The following GRM7 variants were observed in gnomAD, a reference collection of about 807,000 sequenced individuals.
GRM7 encodes the protein glutamate metabotropic receptor 7, also known as metabotropic glutamate receptor 7.
Under a neutral mutation model 84.5 loss-of-function variants are expected in GRM7, and 35 were observed. The observed-to-expected ratio is 0.41, with a 90% CI of 0.32 to 0.55. The LOEUF is 0.55. GRM7 is among the 20% of genes least tolerant of loss of function. The pLI, the probability that GRM7 is intolerant of heterozygous loss-of-function variation, is 0.19. For missense variants in GRM7, 1,003 were observed against 1,194.6 expected (o/e 0.84, Z 2.36); for synonymous variants, 487 against 455.1 (o/e 1.07, Z -0.89).
At chr3:7,092,301 C>G (rs1432589369) in intron 1 of GRM7, among the ~76,000 whole-genome samples, 1 of 152,128 alleles carries the variant, frequency 6.6e-6, no homozygotes, top group African/African-American at 2.4e-5. Context: ...GAGATAGTTC[C>G]TTATTTGATC....
chr3:7,416,771 A>G (rs1176912715), intron 5 of GRM7, among the ~76,000 whole-genome samples: 4 of 152,118 alleles, frequency 2.6e-5, no homozygotes, highest in African/African-American at 9.7e-5. Flanking sequence ...GGGAAAAGGG[A>G]AAATATTAAT....
intron 3 of GRM7, among the ~76,000 whole-genome samples, chr3:7,304,403 A>G (rs1449316080): frequency 1.4e-5 from 2 of 143,080 alleles, no homozygotes; most frequent in Non-Finnish European, 3.0e-5. Context: ...CTTTTAGAAC[A>G]TTCTCATTAT....
intron 4 of GRM7, among the ~76,000 whole-genome samples, chr3:7,315,930 G>A (rs924896791): frequency 6.6e-6 from 1 of 152,102 alleles, no homozygotes; most frequent in African/African-American, 2.4e-5. Flanking sequence ...GTGCTATAAA[G>A]TAAGAAAAAA....
chr3:7,042,738 C>A (rs1696673325), intron 1 of GRM7, among the ~76,000 whole-genome samples: 1 of 152,076 alleles, frequency 6.6e-6, no homozygotes, highest in Non-Finnish European at 1.5e-5. Flanking sequence ...GCTCCTTGAT[C>A]ACATGGAATA....
chr3:7,016,346 G>C (rs890329173), intron 1 of GRM7, among the ~76,000 whole-genome samples: 1 of 152,170 alleles, frequency 6.6e-6, no homozygotes, highest in Non-Finnish European at 1.5e-5. Flanking sequence ...CACTCAAAGA[G>C]ATAGGAGATC....
intron 1 of GRM7, among the ~76,000 whole-genome samples, chr3:7,112,283 G>A (rs1266092228): frequency 6.6e-6 from 1 of 150,720 alleles, no homozygotes; most frequent in East Asian, 2.0e-4. Flanking sequence ...GGAGTGCAGT[G>A]GCACGATCTC....
intron 8 of GRM7, among the ~76,000 whole-genome samples, chr3:7,601,381 A>G (rs1283498418): frequency 1.3e-5 from 2 of 152,238 alleles, no homozygotes; most frequent in East Asian, 3.9e-4. Flanking sequence ...ACCATAAGTG[A>G]GAGAGACAGG....
At chr3:6,873,360 A>G (rs1574952146) in intron 1 of GRM7, among the ~76,000 whole-genome samples, 3 of 152,178 alleles carry the variant, frequency 2.0e-5, no homozygotes, top group Admixed American at 2.0e-4. Context: ...GGCGTGAGCC[A>G]CCTTGGCCAG....
intron 2 of GRM7, among the ~76,000 whole-genome samples, chr3:7,253,600 A>T (rs1487454831): frequency 1.4e-5 from 2 of 142,884 alleles, no homozygotes; most frequent in African/African-American, 2.7e-5. Context: ...CCAGGCAACA[A>T]GAGTGAAACT....
At chr3:7,463,037 G>C (rs1180505333) in intron 7 of GRM7, among the ~76,000 whole-genome samples, 2 of 152,154 alleles carry the variant, frequency 1.3e-5, no homozygotes, top group Non-Finnish European at 2.9e-5. Context: ...AATCAAAGCA[G>C]TATAACCTGG....
chr3:6,977,574 T>C (rs768878358), intron 1 of GRM7, among the ~76,000 whole-genome samples: 1 of 152,116 alleles, frequency 6.6e-6, no homozygotes, highest in Non-Finnish European at 1.5e-5. Flanking sequence ...GCCATCCCCA[T>C]AACCGAAAGC....
intron 1 of GRM7, among the ~76,000 whole-genome samples, chr3:7,023,629 C>A: frequency 6.6e-6 from 1 of 152,112 alleles, no homozygotes; most frequent in East Asian, 1.9e-4. Flanking sequence ...CATGCTGGTT[C>A]CTTCTGAGGG....
At chr3:7,348,085 T>C (rs984122466) in intron 4 of GRM7, among the ~76,000 whole-genome samples, 1 of 152,286 alleles carries the variant, frequency 6.6e-6, no homozygotes, top group East Asian at 1.9e-4. Flanking sequence ...TTCTGAGTTA[T>C]GGTAATGGAC....
chr3:7,139,948 G>T (rs906850739), intron 1 of GRM7, among the ~76,000 whole-genome samples: 5 of 152,018 alleles, frequency 3.3e-5, no homozygotes, highest in East Asian at 1.9e-4. Context: ...AATATACAAA[G>T]AATTCACACA....
In GRM7 at chr3:7,579,261, C is replaced by A. The variant is rs755076568; in HGVS notation, c.2355C>A (p.Asn785Lys). Residue 785 changes from asparagine (N) to lysine (K), a missense_variant, in exon 8 of 10, where the codon AAC becomes AAA. Around this residue, in one of 2 missense-constraint regions of GRM7, gnomAD observed 910 missense variants for 1,126.0 expected, o/e 0.81. Transcript: ENST00000357716. ...IKTRGVPENF[N>K]EAKPIGFTMY... ...CTCGGGGTGTACCCGAGAATTTTAACGAAGCCAAGCCCATTGGATTCACTA... is the reference window on the plus strand; with the variant it reads ...CTCGGGGTGTACCCGAGAATTTTAAAGAAGCCAAGCCCATTGGATTCACTA... 6.2e-7 allele frequency: 1 copy of A among 1,613,774 alleles called. No homozygotes were observed. Among genetic ancestry groups the A allele is most frequent in the Non-Finnish European group, 8.5e-7 (1 of 1,179,694 alleles).
intron 7 of GRM7, among the ~76,000 whole-genome samples, chr3:7,488,316 C>T (rs1327693851): frequency 1.3e-5 from 2 of 152,088 alleles, no homozygotes; most frequent in African/African-American, 2.4e-5. Flanking sequence ...TGAATTTCCT[C>T]ACAGTGGAGG....
intron 7 of GRM7, among the ~76,000 whole-genome samples, chr3:7,526,760 CA>C (rs1241628084): frequency 3.3e-5 from 5 of 152,058 alleles, no homozygotes; most frequent in Non-Finnish European, 7.4e-5. Flanking sequence ...GTAATTTTCT[CA>C]GCACCATTCA....
At chr3:7,165,397 A>G (rs141756275) in intron 2 of GRM7, among the ~76,000 whole-genome samples, 473 of 152,342 alleles carry the variant, frequency 3.1e-3, no homozygotes, top group East Asian at 0.01. Context: ...AGTAATATAG[A>G]ATCAAGTGTT....
rs115575727 is a variant in GRM7 at position 7,362,522 on chromosome 3, G to A, written c.1034-52501G>A. On this transcript the variant is annotated intron_variant, in intron 4 of 9. Transcript: ENST00000357716. ...TTTTCCCCACAGCTAGTTATTTTAA[G>A]TTAAGTATGATTCCTACATGGACTG... Among the ~76,000 whole-genome samples, 930 of 152,008 alleles carry A rather than the reference G, an allele frequency of 6.1e-3. 6 individuals carry two copies. The highest frequency in any genetic ancestry group is 0.021 in the African/African-American group (876 of 41,460).
Sources: gnomAD v4.1 joint callset for allele counts (sites outside exome capture counted in the v4.1 genomes callset) on GRCh38, gnomAD v4.1.1 for gene constraint, gnomAD v4.1.1 regional missense constraint, MANE v1.5 for transcripts, NCBI Gene and HGNC (gene_info 2026-07-23, HGNC 2026-07-21) for gene names.